Variants in SLC12A4 observed in about 807,000 individuals in gnomAD.
The protein encoded by SLC12A4 is electroneutral potassium-chloride cotransporter 1.
SLC12A4 carries 84 observed loss-of-function variants against 119.2 expected under a neutral mutation model. That is an observed-to-expected ratio of 0.70 (90% CI 0.59 to 0.85). The LOEUF is 0.85. Among genes scored for constraint, SLC12A4 ranks in the 40% least tolerant of loss-of-function variants. The pLI is 0.00. For synonymous variants in SLC12A4, 599 were observed against 604.6 expected (o/e 0.99, Z 0.14); for missense variants, 1,298 against 1,476.3 (o/e 0.88, Z 1.98).
At chr16:67,962,482 TAC>T (rs897445783) in intron 2 of SLC12A4, 1 of 152,310 alleles carries the variant, frequency 6.6e-6, no homozygotes, top group African/African-American at 2.4e-5. Flanking sequence ...CTTTCTGACC[TAC>T]ACACAGGGAG....
chr16:67,955,877 CA>C (rs773351935), intron 5 of SLC12A4, among the ~76,000 whole-genome samples: 89 of 134,338 alleles, frequency 6.6e-4, no homozygotes, highest in Admixed American at 1.1e-3. Context: ...GACTCCGTCT[CA>C]AAAAAAAAAA....
At chr16:67,947,926 A>G in intron 14 of SLC12A4, 135 bp downstream of exon 14, 1 of 1,466,612 alleles carries the variant, frequency 6.8e-7, no homozygotes, top group Non-Finnish European at 9.5e-7. Context: ...TGTAAGACCT[A>G]GGTCCAGTCC....
In SLC12A4 at chr16:67,951,231, C is replaced by T. The variant is rs201262838; in HGVS notation, c.1206G>A (p.Pro402=). 4.2e-5 allele frequency: 68 copies of T among 1,614,072 alleles called. No individual in the cohort carries two copies. The highest frequency in any genetic ancestry group is 2.5e-4 in the East Asian group (11 of 44,876). Reference sequence around the variant, plus strand: ...ACAGAGGCAGGCTCTCCTTCAGGCTCGGGGCATCTGCGGAGGGCAGCCCAT... The same window carrying T: ...ACAGAGGCAGGCTCTCCTTCAGGCTTGGGGCATCTGCGGAGGGCAGCCCAT... The part of the protein sequence containing the change: ...EKHGLPSADA[P]SLKESLPLYV... Residue 402 remains proline, a synonymous_variant, in exon 9 of 24, where the codon CCG becomes CCA. Coordinates refer to ENST00000316341, the MANE Select transcript of SLC12A4 (RefSeq NM_005072.5). This position sits in a 1 kb window ranked among gnomAD's most constrained non-coding sequence, Gnocchi z 5.2.
intron 5 of SLC12A4, 95 bp downstream of exon 5, chr16:67,957,647 T>C (rs2030340742): frequency 7.0e-7 from 1 of 1,436,574 alleles, no homozygotes; most frequent in Non-Finnish European, 9.7e-7. Flanking sequence ...ACAGAACTGC[T>C]TGGGGCAGGG....
At chr16:67,945,265 C>CA in intron 22 of SLC12A4, 45 bp from the exon 23 acceptor site, 2 of 1,555,548 alleles carry the variant, frequency 1.3e-6, no homozygotes, top group Non-Finnish European at 1.7e-6. Context: ...AGCCATCCTG[C>CA]AAGGAGGGTC....
At chr16:67,947,158 G>T in intron 16 of SLC12A4, 53 bp from the exon 17 acceptor site, 1 of 1,538,204 alleles carries the variant, frequency 6.5e-7, no homozygotes, top group Non-Finnish European at 8.7e-7. Flanking sequence ...GTTCTAGGGA[G>T]CCCCTCCTCT....
rs201442393 is a variant in SLC12A4, at chr16:67,946,253, A to C, written c.2525T>G (p.Leu842Arg). ...AFYPSNHERY[L>R]EGHIDVWWIV... is the part of the protein sequence containing the mutation. ...CCACCACACGTCTATGTGGCCCTCC[A>C]GGTAGCGCTCGTGGTTGCTGGGGTA... The change falls in exon 19 of 24, where the codon CTG becomes CGG. Residue 842 changes from leucine (L) to arginine (R), a missense_variant. By Grantham distance (102) the Leu-to-Arg change is moderately radical. Transcript: ENST00000316341. 59 of 1,613,752 alleles carry C rather than the reference A, an allele frequency of 3.7e-5. No individual in the cohort carries two copies. The highest frequency in any genetic ancestry group is 4.4e-5 in the Non-Finnish European group (52 of 1,180,026).
chr16:67,958,976 A>G (rs2030421849), intron 3 of SLC12A4, among the ~76,000 whole-genome samples: 1 of 152,186 alleles, frequency 6.6e-6, no homozygotes, highest in East Asian at 1.9e-4. Flanking sequence ...TTTTGTTACT[A>G]TATTAGGGCA....
chr16:67,967,778 A>G (rs186879080), intron 1 of SLC12A4, among the ~76,000 whole-genome samples: 4 of 152,256 alleles, frequency 2.6e-5, no homozygotes, highest in Admixed American at 2.0e-4. Context: ...CTGCTTCCTA[A>G]TGAGAGTAAC....
Position 67,950,845 on chromosome 16 carries a change from T to C in SLC12A4, c.1396+117A>G. 1.4e-6 allele frequency: 2 copies of C among 1,426,886 alleles called. No individual in the cohort carries two copies. Among genetic ancestry groups the C allele is most frequent in the Non-Finnish European group, 1.9e-6 (2 of 1,026,622 alleles). 88.4% of individuals were successfully genotyped at this position (1,426,886 alleles called of 1,614,324 possible). A position where few individuals can be genotyped will look rare whatever the true frequency, so the allele number is the denominator to read the frequency against. ...CGTGGTGTGTATGTGCATGTGTGCATGAGAAGGGGAGCTATATATGAGTGT... is the reference window on the plus strand; with the variant it reads ...CGTGGTGTGTATGTGCATGTGTGCACGAGAAGGGGAGCTATATATGAGTGT... On this transcript the variant is annotated intron_variant, in intron 10 of 23. Coordinates refer to ENST00000316341, the MANE Select transcript of SLC12A4 (RefSeq NM_005072.5). This position sits in a 1 kb window ranked among gnomAD's most constrained non-coding sequence, Gnocchi z 4.3.
rs1193555975 is a variant in SLC12A4 at position 67,966,787 on chromosome 16, C to T, written c.115+1652G>A. ...GGGTGTCCCCCATCCTGTAGACAGCCAAGGTCTGGCTGGAAAGGAGTAAGA... is the reference window on the plus strand; with the variant it reads ...GGGTGTCCCCCATCCTGTAGACAGCTAAGGTCTGGCTGGAAAGGAGTAAGA... On this transcript the variant is annotated intron_variant, in intron 1 of 23. Coordinates refer to ENST00000316341, the MANE Select transcript of SLC12A4 (RefSeq NM_005072.5). 3.9e-6 allele frequency: 6 copies of T among 1,551,238 alleles called. No individual in the cohort carries two copies. In the Admixed American group the frequency reaches 1.2e-4, roughly 30 times the overall value.
At chr16:67,964,064 C>T (rs2030741979) in intron 1 of SLC12A4, 3 of 1,547,516 alleles carry the variant, frequency 1.9e-6, no homozygotes, top group East Asian at 2.4e-5. Context: ...CCACCATGCA[C>T]TGCGCGGGGG....
Position 67,948,094 on chromosome 16 carries a change from G to T in SLC12A4, c.1814C>A (p.Pro605His). Residue 605 changes from proline (P) to histidine (H), a missense_variant, in exon 14 of 24, where the codon CCC becomes CAC. Pro to His is a moderately conservative substitution (Grantham distance 77). Coordinates refer to ENST00000316341, the MANE Select transcript of SLC12A4 (RefSeq NM_005072.5). ...ACAVQTLLRT[P>H]NWRPRFKYYH... ...GTACTTGAACCGGGGCCGCCAGTTGGGGGTCCTCAGGAGTGTCTGCACCGC... is the reference window on the plus strand; with the variant it reads ...GTACTTGAACCGGGGCCGCCAGTTGTGGGTCCTCAGGAGTGTCTGCACCGC... 1 of 1,613,242 alleles carries T rather than the reference G, an allele frequency of 6.2e-7. No homozygotes were observed. The highest frequency in any genetic ancestry group is 1.1e-5 in the South Asian group (1 of 91,088).
rs1662870721 is a variant in SLC12A4 at position 67,952,121 on chromosome 16, C to A, written c.917+63G>T. The A allele has an allele frequency of 9.9e-6, 16 of 1,610,212 alleles. No individual in the cohort carries two copies. In the Admixed American group the frequency reaches 2.7e-4, roughly 27 times the overall value. On this transcript the variant is annotated intron_variant, in intron 7 of 23. Coordinates refer to ENST00000316341, the MANE Select transcript of SLC12A4 (RefSeq NM_005072.5). ...CTGCAGTCTCTGGGATCTGGGGCAT[C>A]AAAGGCTGGCTACATGGGAGGGATG... is the stretch of plus-strand genomic sequence containing the variant.
At chr16:67,964,957 G>A (rs908376533) in intron 1 of SLC12A4, among the ~76,000 whole-genome samples, 3 of 152,186 alleles carry the variant, frequency 2.0e-5, no homozygotes, top group Non-Finnish European at 2.9e-5. Flanking sequence ...GACAGTTTCT[G>A]GGGCAAAGTC....
intron 1 of SLC12A4, among the ~76,000 whole-genome samples, chr16:67,967,514 TAC>T (rs2030918329): frequency 2.6e-5 from 4 of 152,152 alleles, no homozygotes; most frequent in Admixed American, 2.6e-4. Flanking sequence ...TGCCACTACG[TAC>T]ACAGACACAT....
chr16:67,951,904 C>T lies in SLC12A4; in HGVS notation c.1051G>A (p.Asp351Asn), dbSNP rs373763017. The T allele has an allele frequency of 1.4e-5, 22 of 1,613,780 alleles. No homozygotes were observed. Among genetic ancestry groups the T allele is most frequent in the Admixed American group, 3.3e-5 (2 of 60,000 alleles). ...FFCHSPNLTT[D>N]SCDPYFMLNN... ...AGCATGAAGTAGGGGTCACAGGAGT[C>T]GGTCGTAAGGTTGGGGCTGTGGCAG... Residue 351 changes from aspartate to asparagine, a missense_variant, in exon 8 of 24, where the codon GAC (aspartate) becomes AAC (asparagine). Asp to Asn is a conservative substitution (Grantham distance 23). Coordinates refer to ENST00000316341, the MANE Select transcript of SLC12A4 (RefSeq NM_005072.5). This position sits in a 1 kb window ranked among gnomAD's most constrained non-coding sequence, Gnocchi z 5.2.
At chr16:67,952,122 A>G in intron 7 of SLC12A4, 62 bp downstream of exon 7, 1 of 1,610,512 alleles carries the variant, frequency 6.2e-7, no homozygotes, top group Non-Finnish European at 8.5e-7. Context: ...CTGGGGCATC[A>G]AAGGCTGGCT....
chr16:67,964,035 A>C, intron 1 of SLC12A4: 1 of 1,550,716 alleles, frequency 6.4e-7, no homozygotes. Context: ...CATGGCCCAA[A>C]GGTGGCCGGC....
Sources: allele counts gnomAD v4.1 joint callset (sites outside exome capture counted in the v4.1 genomes callset), GRCh38; gene constraint gnomAD v4.1.1; non-coding constraint Gnocchi (gnomAD v3.1); transcripts MANE v1.5; gene names NCBI Gene and HGNC (gene_info 2026-07-23, HGNC 2026-07-21).